Variants in FREM1 observed in about 807,000 individuals in gnomAD.
FREM1 encodes the protein FRAS1 related extracellular matrix 1, also known as FRAS1-related extracellular matrix protein 1.
Under a neutral mutation model 210.1 loss-of-function variants are expected in FREM1, and 220 were observed. The ratio of observed to expected loss-of-function variants is 1.05; its 90% CI spans 0.94 to 1.17. The LOEUF (loss-of-function observed/expected upper bound fraction) is 1.17. FREM1 is among the 50% of genes most tolerant of loss of function. FREM1 has a pLI of 0.00. For missense variants in FREM1, 3,454 were observed against 2,675.5 expected (o/e 1.29, Z -6.42); for synonymous variants, 1,189 against 980.2 (o/e 1.21, Z -3.98).
rs1313624824 is a variant in FREM1, at chr9:14,909,952, C to G, written c.-306G>C. On this transcript the variant is annotated 5_prime_UTR_variant, in exon 1 of 37. Transcript: ENST00000380880. ...CCTTTCCAAGACAAAAAGTTAGAAA[C>G]CCTTGGAACTGGCGGGCAGGATAAG... The G allele has an allele frequency of 1.3e-5, 2 of 152,118 alleles. No individual in the cohort carries two copies. Among genetic ancestry groups the G allele is most frequent in the Non-Finnish European group, 2.9e-5 (2 of 68,030 alleles). 9.4% of individuals were successfully genotyped at this position (152,118 alleles called of 1,614,324 possible).
chr9:14,788,806 G>A, intron 23 of FREM1, 113 bp downstream of exon 23: 2 of 812,766 alleles, frequency 2.5e-6, no homozygotes, highest in Non-Finnish European at 3.8e-6. Flanking sequence ...AAGATGAAGA[G>A]TGGCAGGAAA....
intron 10 of FREM1, among the ~76,000 whole-genome samples, chr9:14,830,313 T>A (rs1404830131): frequency 6.6e-6 from 1 of 152,174 alleles, no homozygotes; most frequent in Non-Finnish European, 1.5e-5. Flanking sequence ...CATATTCTGA[T>A]TCCTTATAAG....
intron 1 of FREM1, among the ~76,000 whole-genome samples, chr9:14,885,314 C>A (rs1041288625): frequency 8.6e-5 from 13 of 151,990 alleles, no homozygotes; most frequent in African/African-American, 2.4e-4. Flanking sequence ...TTTTGTCTTC[C>A]CCAGGCTTGC....
chr9:14,832,442 T>C (rs57709676), intron 10 of FREM1, among the ~76,000 whole-genome samples: 2,639 of 152,194 alleles, frequency 0.017, 74 homozygotes, highest in African/African-American at 0.061. Context: ...TCTCCTATAG[T>C]AGGCCAAAAG....
Position 14,775,885 on chromosome 9 carries a change from C to T in FREM1, c.4761G>A (p.Gln1587=). The T allele has an allele frequency of 6.2e-7, 1 of 1,613,930 alleles. No individual in the cohort carries two copies. Among genetic ancestry groups the T allele is most frequent in the Non-Finnish European group, 8.5e-7 (1 of 1,179,828 alleles). Residue 1587 remains glutamine (Q), a synonymous_variant, in exon 25 of 37, where the codon CAG becomes CAA. Coordinates refer to ENST00000380880, the MANE Select transcript of FREM1 (RefSeq NM_001379081.2). ...VAYRHSGGDS[Q]TDCFTFMATD... ...TGGCCATGAAAGTAAAGCAGTCAGT[C>T]TGGGAGTCCCCTCCTGAGTGCCGAT...
Position 14,858,186 on chromosome 9 carries a change from C to T in FREM1, c.632-437G>A, listed in dbSNP as rs563512968. On this transcript the variant is annotated intron_variant, in intron 4 of 36. Coordinates refer to ENST00000380880, the MANE Select transcript of FREM1 (RefSeq NM_001379081.2). ...GTGGCTATCACGCACTCAAATCCTG[C>T]GTATCCTTCCAGGTCCACCTGGTCT... 4.6e-5 allele frequency among the ~76,000 whole-genome samples: 7 copies of T among 152,256 alleles called. No individual in the cohort carries two copies. The South Asian group carries it at 1.2e-3, about 27-fold the overall frequency.
chr9:14,775,611 G>T (rs1444096522), intron 25 of FREM1, among the ~76,000 whole-genome samples, 178 bp downstream of exon 25: 2 of 150,768 alleles, frequency 1.3e-5, no homozygotes, highest in African/African-American at 4.9e-5. Context: ...AGGAGGCTGA[G>T]GCAGGAGAAT....
intron 21 of FREM1, among the ~76,000 whole-genome samples, chr9:14,796,663 T>C (rs1233649026): frequency 6.6e-6 from 1 of 152,004 alleles, no homozygotes; most frequent in African/African-American, 2.4e-5. Flanking sequence ...TGATAGTGAG[T>C]CAGTTCTCAC....
intron 1 of FREM1, among the ~76,000 whole-genome samples, chr9:14,872,266 C>T (rs1832820246): frequency 6.6e-6 from 1 of 152,104 alleles, no homozygotes; most frequent in Non-Finnish European, 1.5e-5. Context: ...GGCAGTATGG[C>T]CATTTTCACG....
chr9:14,879,538 T>C (rs1251884304), intron 1 of FREM1, among the ~76,000 whole-genome samples: 1 of 152,208 alleles, frequency 6.6e-6, no homozygotes, highest in Non-Finnish European at 1.5e-5. Flanking sequence ...ACAAGAATGT[T>C]GATTGCAGCA....
chr9:14,845,879 T>TGTTA, intron 8 of FREM1, 81 bp downstream of exon 8: 1 of 1,413,512 alleles, frequency 7.1e-7, no homozygotes, highest in Non-Finnish European at 9.8e-7. Flanking sequence ...CAAGAGATGC[T>TGTTA]ACATATATCT....
intron 1 of FREM1, among the ~76,000 whole-genome samples, chr9:14,891,892 G>C (rs1050730914): frequency 6.6e-6 from 1 of 152,192 alleles, no homozygotes; most frequent in Non-Finnish European, 1.5e-5. Flanking sequence ...TAATCTTTAA[G>C]AGATTGAGGT....
At chr9:14,860,754 T>TATATACGCAC (rs1209659326) in intron 3 of FREM1, among the ~76,000 whole-genome samples, 1 of 113,752 alleles carries the variant, frequency 8.8e-6, no homozygotes, top group African/African-American at 4.1e-5. Context: ...TATATGCACA[T>TATATACGCAC]ATATATGCAC....
intron 1 of FREM1, among the ~76,000 whole-genome samples, chr9:14,900,186 G>C (rs1372934399): frequency 6.6e-6 from 1 of 152,084 alleles, no homozygotes; most frequent in Non-Finnish European, 1.5e-5. Flanking sequence ...TTCATCTAGA[G>C]GACCCCCTCT....
At chr9:14,761,508 CGCATGAAACA>C in intron 27 of FREM1, among the ~76,000 whole-genome samples, 1 of 152,256 alleles carries the variant, frequency 6.6e-6, no homozygotes, top group East Asian at 1.9e-4. Flanking sequence ...ATTTAAATCT[CGCATGAAACA>C]GATCAAGAAA....
chr9:14,757,653 T>C (rs1844668237), intron 28 of FREM1, among the ~76,000 whole-genome samples: 1 of 151,412 alleles, frequency 6.6e-6, no homozygotes, highest in Non-Finnish European at 1.5e-5. Flanking sequence ...ATTTTTTAGA[T>C]GTTTAAGATG....
Position 14,898,786 on chromosome 9 carries a change from C to T in FREM1, c.-268+11128G>A, listed in dbSNP as rs186932671. 3.9e-4 allele frequency among the ~76,000 whole-genome samples: 60 copies of T among 152,122 alleles called. No homozygotes were observed. The Middle Eastern group carries it at 0.01, about 26-fold the overall frequency. The stretch of plus-strand genomic sequence containing the variant: ...AGAATGTACAACACAAAGAGTGAAC[C>T]CTATTGTAAAATATATGCTTTAGAT... On this transcript the variant is annotated intron_variant, in intron 1 of 36. Coordinates refer to ENST00000380880, the MANE Select transcript of FREM1 (RefSeq NM_001379081.2).
chr9:14,830,174 G>C (rs560166226), intron 10 of FREM1, among the ~76,000 whole-genome samples: 6 of 152,304 alleles, frequency 3.9e-5, no homozygotes, highest in African/African-American at 1.4e-4. Context: ...CAAAGAATCA[G>C]GGCAGAGAAA....
chr9:14,777,672 A>C (rs1848852600), intron 24 of FREM1, among the ~76,000 whole-genome samples: 1 of 152,154 alleles, frequency 6.6e-6, no homozygotes, highest in East Asian at 1.9e-4. Flanking sequence ...TAGAGAAGGT[A>C]TGGCATTTAT....
Sources: gnomAD v4.1 joint callset for allele counts (sites outside exome capture counted in the v4.1 genomes callset) on GRCh38, gnomAD v4.1.1 for gene constraint, MANE v1.5 for transcripts, NCBI Gene and HGNC (gene_info 2026-07-23, HGNC 2026-07-21) for gene names.